Variants in ZNF208 observed in about 807,000 individuals in gnomAD.
ZNF208 encodes zinc finger protein 208.
ZNF208 carries 10 observed loss-of-function variants against 12.1 expected under a neutral mutation model. The observed-to-expected ratio is 0.83, with a 90% CI of 0.51 to 1.40. ZNF208 has a LOEUF of 1.40. Among genes scored for constraint, ZNF208 ranks in the 40% most tolerant of loss-of-function variants. The probability of loss-of-function intolerance (pLI) is 0.00; values close to 1 mark genes in which losing one functional copy is unlikely to be tolerated. For missense variants in ZNF208, 1,652 were observed against 1,485.0 expected (o/e 1.11, Z -1.85); for synonymous variants, 497 against 488.4 (o/e 1.02, Z -0.23).
At chr19:21,963,350 C>T (rs1486203063), downstream of ZNF208, among the ~76,000 whole-genome samples, 1 of 152,018 alleles carries the variant, frequency 6.6e-6, no homozygotes, top group African/African-American at 2.4e-5. Flanking sequence ...AAATTGAGTA[C>T]TATAAATAAA....
In ZNF208 at chr19:21,972,585, C is replaced by A. The variant is rs191353023; in HGVS notation, c.2449G>T (p.Val817Phe). ...CEECGKTFSK[V>F]STLTTHKAIH... ...GCCTTATGTGTAGTAAGGGTTGAGA[C>A]CTTACTAAAGGTTTTGCCACATTCT... Residue 817 changes from valine to phenylalanine, a missense_variant, in exon 4 of 4, where the codon GTC becomes TTC. Physicochemically the swap from Val to Phe is conservative, Grantham distance 50 (BLOSUM62 -1). Transcript: ENST00000397126. 1.0e-3 allele frequency: 1,602 copies of A among 1,605,616 alleles called. 8 individuals are homozygous for A. In the African/African-American group the frequency reaches 0.018, roughly 18 times the overall value.
rs1295635576 is a variant in ZNF208, at chr19:21,975,976, A to G, written c.227-1169T>C. On this transcript the variant is annotated intron_variant, in intron 3 of 3. Coordinates refer to ENST00000397126, the MANE Select transcript of ZNF208 (RefSeq NM_007153.3). ...ACTGCATATGTCTTCCATAAGAAAG[A>G]TGCCGAAAGCAGTTTTTACCACTGA... is the stretch of plus-strand genomic sequence containing the variant. Among the ~76,000 whole-genome samples the G allele has an allele frequency of 4.0e-5, 6 of 149,670 alleles. No individual in the cohort carries two copies. The South Asian group carries it at 8.6e-4, about 21-fold the overall frequency.
intron 1 of ZNF208, among the ~76,000 whole-genome samples, chr19:22,004,458 C>T (rs1214761080): frequency 1.3e-5 from 2 of 149,444 alleles, no homozygotes; most frequent in Non-Finnish European, 3.0e-5. Context: ...GGTTGCAATG[C>T]GCCGAGATCA....
chr19:21,959,380 A>G (rs1568437009), intron 4 of ZNF208, among the ~76,000 whole-genome samples: 2 of 152,310 alleles, frequency 1.3e-5, no homozygotes, highest in Non-Finnish European at 2.9e-5. Flanking sequence ...ACATACTCAC[A>G]TACACAGAAA....
intron 4 of ZNF208, among the ~76,000 whole-genome samples, chr19:21,944,663 TGTAAA>T (rs373959310): frequency 7.8e-4 from 119 of 152,300 alleles, no homozygotes; most frequent in African/African-American, 2.7e-3. Context: ...GCTCCAATGA[TGTAAA>T]GTATTGTTTC....
rs1599609221 is a variant in ZNF208 at position 21,966,222 on chromosome 19, T to C, written c.*4969A>G. ...AATTCCATTGCCCAAGTAGTGTACA[T>C]CATACCTAAGCAGATTTTCTATGCT... On this transcript the variant is annotated 3_prime_UTR_variant, in exon 4 of 4. Coordinates refer to ENST00000397126, the MANE Select transcript of ZNF208 (RefSeq NM_007153.3). 6.6e-6 allele frequency: 1 copy of C among 152,106 alleles called. No individual in the cohort carries two copies. The highest frequency in any genetic ancestry group is 6.6e-5 in the Admixed American group (1 of 15,232). 9.4% of individuals were successfully genotyped at this position (152,106 alleles called of 1,614,324 possible).
chr19:21,975,742 AG>A (rs1970418035), intron 3 of ZNF208, among the ~76,000 whole-genome samples: 1 of 147,332 alleles, frequency 6.8e-6, no homozygotes, highest in African/African-American at 2.5e-5. Context: ...CAGAAAAATG[AG>A]GATAAGAACA....
intron 3 of ZNF208, among the ~76,000 whole-genome samples, chr19:21,984,447 G>T (rs1463003620): frequency 6.6e-6 from 1 of 152,112 alleles, no homozygotes; most frequent in African/African-American, 2.4e-5. Flanking sequence ...CAGCTACTCA[G>T]GAGGCTGAGG....
intron 3 of ZNF208, among the ~76,000 whole-genome samples, chr19:21,975,345 C>T (rs1970409536): frequency 6.6e-6 from 1 of 152,152 alleles, no homozygotes; most frequent in Non-Finnish European, 1.5e-5. Context: ...AAATGCACTG[C>T]AGCAGAGCAC....
intron 4 of ZNF208, among the ~76,000 whole-genome samples, chr19:21,953,262 C>A (rs1461551972): frequency 6.6e-6 from 1 of 152,156 alleles, no homozygotes; most frequent in Admixed American, 6.5e-5. Flanking sequence ...GCCAGGAGAA[C>A]TTCCCCAACC....
At chr19:21,960,148 A>G (rs967637241) in intron 4 of ZNF208, among the ~76,000 whole-genome samples, 1 of 152,104 alleles carries the variant, frequency 6.6e-6, no homozygotes, top group African/African-American at 2.4e-5. Context: ...GTTGGGTGGG[A>G]GAGAAAATGA....
At position 21,969,594 on chromosome 19, in the gene ZNF208, A is replaced by C. The variant is rs1307050591; in HGVS notation, c.*1597T>G. Among the ~76,000 whole-genome samples the C allele has an allele frequency of 6.6e-6, 1 of 152,152 alleles. No homozygotes were observed. The highest frequency in any genetic ancestry group is 1.9e-4 in the East Asian group (1 of 5,202). On this transcript the variant is annotated 3_prime_UTR_variant, in exon 4 of 4. Transcript: ENST00000397126. ...TTTATAATCTGTAGTTTTTGAAAAA[A>C]TGTTTTTCCAAATTTATTAAATTTG...
chr19:22,001,892 C>CA lies in ZNF208; in HGVS notation c.3+8899dup, dbSNP rs58939967. On this transcript the variant is annotated intron_variant, in intron 1 of 3. Transcript: ENST00000397126. ...TGGATGACACAGTGAGACTCCATCCCAAAAAAAAAAAAAAAAAAAAAAAAA... is the reference window on the plus strand; with the variant it reads ...TGGATGACACAGTGAGACTCCATCCCAAAAAAAAAAAAAAAAAAAAAAAAAA... Among the ~76,000 whole-genome samples, 141 of 74,068 alleles carry CA rather than the reference C, an allele frequency of 1.9e-3. 3 individuals carry two copies. The highest frequency in any genetic ancestry group is 3.7e-3 in the South Asian group (8 of 2,162). The allele number at this position is 74,068 out of a possible 152,430, so 48.6% of individuals were successfully genotyped here. A position where few individuals can be genotyped will look rare whatever the true frequency, so the allele number is the denominator to read the frequency against.
rs772911020 is a variant in ZNF208 at position 21,974,895 on chromosome 19, C to A, written c.227-88G>T. The A allele has an allele frequency of 1.5e-4, 205 of 1,401,498 alleles. No homozygotes were observed. In the Middle Eastern group the frequency reaches 3.8e-3, roughly 26 times the overall value. The allele number at this position is 1,401,498 out of a possible 1,614,324, so 86.8% of individuals were successfully genotyped here. On this transcript the variant is annotated intron_variant, in intron 3 of 3. Coordinates refer to ENST00000397126, the MANE Select transcript of ZNF208 (RefSeq NM_007153.3). ...AATCTAAACTATAAAATTATTCAAA[C>A]TACATAAGCAAGATGACACTGCAAT...
intron 4 of ZNF208, among the ~76,000 whole-genome samples, chr19:21,946,814 G>C (rs1969820648): frequency 6.6e-6 from 1 of 152,078 alleles, no homozygotes. Context: ...CCATTGTGTG[G>C]AACAGAAAGG....
Position 21,970,079 on chromosome 19 carries a change from T to C in ZNF208, c.*1112A>G, listed in dbSNP as rs1970251328. Reference sequence around the variant, plus strand: ...CAAGTGTGACAGCCACTTAAAGGCTTTGTCATATTCTTCACTTTTCTAGGA... The same window carrying C: ...CAAGTGTGACAGCCACTTAAAGGCTCTGTCATATTCTTCACTTTTCTAGGA... On this transcript the variant is annotated 3_prime_UTR_variant, in exon 4 of 4. Coordinates refer to ENST00000397126, the MANE Select transcript of ZNF208 (RefSeq NM_007153.3). Among the ~76,000 whole-genome samples, 1 of 152,216 alleles carries C rather than the reference T, an allele frequency of 6.6e-6. No individual in the cohort carries two copies. Among genetic ancestry groups the C allele is most frequent in the Non-Finnish European group, 1.5e-5 (1 of 68,032 alleles).
At position 21,971,160 on chromosome 19, in the gene ZNF208, A is replaced by G. The variant is rs1173505160; in HGVS notation, c.*31T>C. 2 of 1,611,668 alleles carry G rather than the reference A, an allele frequency of 1.2e-6. No homozygotes were observed. Among genetic ancestry groups the G allele is most frequent in the Non-Finnish European group, 1.7e-6 (2 of 1,179,326 alleles). On this transcript the variant is annotated 3_prime_UTR_variant, in exon 4 of 4. Transcript: ENST00000397126. ...TTATGATAACTAAGGGTTGAGGGCC[A>G]CTTATAGGCTTTGCCACATTCTTCA...
intron 3 of ZNF208, 120 bp from the exon 4 acceptor site, chr19:21,974,927 C>T: frequency 8.3e-7 from 1 of 1,206,058 alleles, no homozygotes; most frequent in Non-Finnish European, 1.1e-6. Context: ...CAATATGACA[C>T]AGGCCCTAAT....
chr19:21,944,796 T>G (rs1443415277), intron 4 of ZNF208, among the ~76,000 whole-genome samples: 2 of 152,212 alleles, frequency 1.3e-5, no homozygotes, highest in Non-Finnish European at 2.9e-5. Flanking sequence ...GAGCTGGTAG[T>G]TTGGAATAAA....
Sources: gnomAD v4.1 joint callset for allele counts (sites outside exome capture counted in the v4.1 genomes callset) on GRCh38, gnomAD v4.1.1 for gene constraint, MANE v1.5 for transcripts, NCBI Gene and HGNC (gene_info 2026-07-23, HGNC 2026-07-21) for gene names.